The following GOLGA5 variants were observed in gnomAD, a reference collection of about 807,000 sequenced individuals.
GOLGA5 encodes golgin subfamily A member 5.
Under a neutral mutation model 93.5 loss-of-function variants are expected in GOLGA5, and 50 were observed. That is an observed-to-expected ratio of 0.53 (90% CI 0.43 to 0.68). The LOEUF (loss-of-function observed/expected upper bound fraction) is 0.68, where lower values mean the gene tolerates loss of function less well. GOLGA5 is among the 30% of genes least tolerant of loss of function. GOLGA5 has a pLI of 0.00. For missense variants in GOLGA5, 760 were observed against 856.4 expected, an observed-to-expected ratio of 0.89 and a Z score of 1.40; for synonymous variants, 312 against 304.5, an observed-to-expected ratio of 1.02 and a Z score of -0.26.
chr14:92,806,747 A>G lies in GOLGA5; in HGVS notation c.556A>G (p.Asn186Asp). The change falls in exon 3 of 13, where the codon AAC (asparagine) becomes GAC (aspartate). Residue 186 changes from asparagine to aspartate, a missense_variant. Asn to Asp is a conservative substitution (Grantham distance 23, BLOSUM62 1). Coordinates refer to ENST00000163416, the MANE Select transcript of GOLGA5 (RefSeq NM_005113.4). ...FGSQTHEAASNSDSSHEGQEE... is the reference protein window; with the variant it reads ...FGSQTHEAASDSDSSHEGQEE... The stretch of plus-strand genomic sequence containing the variant: ...TCTTTTTTTTACAGAAGCTGCCAGT[A>G]ACTCAGATTCTAGCCATGAAGGTCA... 1.2e-6 allele frequency: 2 copies of G among 1,611,086 alleles called. No individual in the cohort carries two copies. Among genetic ancestry groups the G allele is most frequent in the Non-Finnish European group, 1.7e-6 (2 of 1,177,198 alleles).
At chr14:92,838,063 T>G (rs1211498591) in intron 12 of GOLGA5, among the ~76,000 whole-genome samples, 1 of 152,252 alleles carries the variant, frequency 6.6e-6, no homozygotes, top group African/African-American at 2.4e-5. Context: ...AAACAATTTT[T>G]TATCTTGACG....
In GOLGA5 at chr14:92,810,147, A is replaced by G. The variant is rs561460202; in HGVS notation, c.993-107A>G. ...GATTTATCTAAGAATATTTCAGTCAAATTATCTTTTTTGTGCTTGACTAAA... is the reference window on the plus strand; with the variant it reads ...GATTTATCTAAGAATATTTCAGTCAGATTATCTTTTTTGTGCTTGACTAAA... On this transcript the variant is annotated intron_variant, in intron 4 of 12. Transcript: ENST00000163416. 10 of 736,770 alleles carry G rather than the reference A, an allele frequency of 1.4e-5. No homozygotes were observed. The East Asian group carries it at 2.0e-4, about 15-fold the overall frequency. 45.6% of individuals were successfully genotyped at this position (736,770 alleles called of 1,614,324 possible). A position where few individuals can be genotyped will look rare whatever the true frequency, so the allele number is the denominator to read the frequency against.
At chr14:92,814,906 C>T (rs1885172374) in intron 6 of GOLGA5, among the ~76,000 whole-genome samples, 1 of 152,008 alleles carries the variant, frequency 6.6e-6, no homozygotes, top group Non-Finnish European at 1.5e-5. Context: ...TAGTCTCCAT[C>T]ACATATTCTT....
intron 2 of GOLGA5, among the ~76,000 whole-genome samples, chr14:92,802,538 A>G (rs1361481420): frequency 6.6e-6 from 1 of 152,026 alleles, no homozygotes; most frequent in Non-Finnish European, 1.5e-5. Context: ...TCTTTGTCTT[A>G]GAGGGAATAC....
chr14:92,839,345 A>C (rs755596577), intron 12 of GOLGA5, 21 bp from the exon 13 acceptor site: 32 of 1,581,148 alleles, frequency 2.0e-5, no homozygotes, highest in Non-Finnish European at 2.8e-5. Flanking sequence ...CTAATCCACA[A>C]ATTGCTTTTT....
intron 12 of GOLGA5, among the ~76,000 whole-genome samples, chr14:92,838,585 C>T (rs1052410756): frequency 1.3e-5 from 2 of 152,146 alleles, no homozygotes; most frequent in Non-Finnish European, 2.9e-5. Context: ...AAGCTGGTCT[C>T]AAACTCCTGA....
rs1884994473 is a variant in GOLGA5, at chr14:92,806,723, C to G, written c.545-13C>G. On this transcript the variant is annotated splice_polypyrimidine_tract_variant and intron_variant, in intron 2 of 12. Coordinates refer to ENST00000163416, the MANE Select transcript of GOLGA5 (RefSeq NM_005113.4). Reference sequence around the variant, plus strand: ...CACGCCAATGTAACAAAAACGTATTCTTTTTTTTACAGAAGCTGCCAGTAA... The same window carrying G: ...CACGCCAATGTAACAAAAACGTATTGTTTTTTTTACAGAAGCTGCCAGTAA... The G allele has an allele frequency of 6.4e-7, 1 of 1,569,606 alleles. No individual in the cohort carries two copies. The highest frequency in any genetic ancestry group is 1.4e-5 in the African/African-American group (1 of 73,894).
At chr14:92,816,038 A>C (rs1885197321) in intron 6 of GOLGA5, among the ~76,000 whole-genome samples, 1 of 152,134 alleles carries the variant, frequency 6.6e-6, no homozygotes, top group African/African-American at 2.4e-5. Flanking sequence ...ACAAGCTTTC[A>C]ACTTTACCAT....
intron 1 of GOLGA5, among the ~76,000 whole-genome samples, chr14:92,795,519 A>G (rs986674650): frequency 2.6e-5 from 4 of 152,130 alleles, no homozygotes; most frequent in African/African-American, 4.8e-5. Flanking sequence ...AAAAAAGGAT[A>G]TTGCTGTTTA....
At chr14:92,825,662 AC>A (rs1885402714) in intron 9 of GOLGA5, among the ~76,000 whole-genome samples, 1 of 152,096 alleles carries the variant, frequency 6.6e-6, no homozygotes. Context: ...GCAGTTTGAG[AC>A]CAGCCTGGGC....
chr14:92,832,123 T>C (rs142989669), intron 9 of GOLGA5, among the ~76,000 whole-genome samples: 485 of 152,278 alleles, frequency 3.2e-3, no homozygotes, highest in Middle Eastern at 0.014. Flanking sequence ...CCAAGACATT[T>C]ACCAAGAAAG....
At chr14:92,819,946 A>AC (rs10716250) in intron 8 of GOLGA5, 110 bp downstream of exon 8, 1 of 968,538 alleles carries the variant, frequency 1.0e-6, no homozygotes, top group Non-Finnish European at 1.5e-6. Context: ...GCTTAGGGTT[A>AC]CCCCACAAGT....
chr14:92,800,237 G>T (rs1292371416), intron 2 of GOLGA5, among the ~76,000 whole-genome samples: 2 of 152,226 alleles, frequency 1.3e-5, no homozygotes, highest in Non-Finnish European at 2.9e-5. Flanking sequence ...TAGCAATTAA[G>T]TATGGTCAGA....
At chr14:92,800,394 G>C (rs948033961) in intron 2 of GOLGA5, among the ~76,000 whole-genome samples, 1 of 152,236 alleles carries the variant, frequency 6.6e-6, no homozygotes, top group East Asian at 1.9e-4. Flanking sequence ...CATGCAGAGA[G>C]AACAGACTCT....
intron 5 of GOLGA5, among the ~76,000 whole-genome samples, chr14:92,811,075 A>AT (rs1885093197): frequency 6.6e-6 from 1 of 152,238 alleles, no homozygotes; most frequent in Admixed American, 6.5e-5. Context: ...AATTATTTCA[A>AT]TATGTAGTCA....
Position 92,809,274 on chromosome 14 carries a change from A to G in GOLGA5, c.773-26A>G, listed in dbSNP as rs779422177. On this transcript the variant is annotated intron_variant, in intron 3 of 12. Coordinates refer to ENST00000163416, the MANE Select transcript of GOLGA5 (RefSeq NM_005113.4). ...GAAAAATGTGTTTGGTTTTGCTTGT[A>G]TAGAGAAATTTAAATTTTTTAATAG... 20 of 1,472,366 alleles carry G rather than the reference A, an allele frequency of 1.4e-5. No individual in the cohort carries two copies. In the South Asian group the frequency reaches 2.0e-4, roughly 14 times the overall value. The allele number at this position is 1,472,366 out of a possible 1,614,324, so 91.2% of individuals were successfully genotyped here.
Position 92,799,443 on chromosome 14 carries a change from ATTTTTT to A in GOLGA5, c.544+1473_544+1478del, listed in dbSNP as rs386382181. Among the ~76,000 whole-genome samples the A allele has an allele frequency of 7.6e-5, 10 of 131,254 alleles. No homozygotes were observed. In the South Asian group the frequency reaches 1.8e-3, roughly 23 times the overall value. 86.1% of individuals were successfully genotyped at this position (131,254 alleles called of 152,430 possible). A position where few individuals can be genotyped will look rare whatever the true frequency, so the allele number is the denominator to read the frequency against. On this transcript the variant is annotated intron_variant, in intron 2 of 12. Coordinates refer to ENST00000163416, the MANE Select transcript of GOLGA5 (RefSeq NM_005113.4). ...AGGCGCCTGCCATCACGCCTGGCTA[ATTTTTT>A]TTTTTTTTTTGTATTTTTAGTAGAG...
chr14:92,816,543 C>CTTCGT (rs1024321884), intron 7 of GOLGA5, 122 bp downstream of exon 7: 1 of 709,166 alleles, frequency 1.4e-6, no homozygotes, highest in African/African-American at 1.8e-5. Flanking sequence ...CTTCGCTTCG[C>CTTCGT]TTCTCTTCTC....
intron 9 of GOLGA5, among the ~76,000 whole-genome samples, chr14:92,826,802 A>G (rs1885432769): frequency 6.6e-6 from 1 of 152,174 alleles, no homozygotes; most frequent in African/African-American, 2.4e-5. Flanking sequence ...TAGACTTGCA[A>G]AGTTACCAAA....
Sources: allele counts gnomAD v4.1 joint callset (sites outside exome capture counted in the v4.1 genomes callset), GRCh38; gene constraint gnomAD v4.1.1; transcripts MANE v1.5; gene names NCBI Gene and HGNC (gene_info 2026-07-23, HGNC 2026-07-21).